The following UBE2E2 variants were observed in gnomAD, a reference collection of about 807,000 sequenced individuals.
UBE2E2 encodes the protein ubiquitin-conjugating enzyme E2 E2.
Under a neutral mutation model 24.7 loss-of-function variants are expected in UBE2E2, and 6 were observed. The observed-to-expected ratio is 0.24, with a 90% CI of 0.13 to 0.48. UBE2E2 has a LOEUF of 0.48. Among genes scored for constraint, UBE2E2 ranks in the 20% least tolerant of loss-of-function variants. The probability of loss-of-function intolerance (pLI) is 0.99; values close to 1 mark genes in which losing one functional copy is unlikely to be tolerated. For synonymous variants in UBE2E2, 104 were observed against 83.6 expected, an observed-to-expected ratio of 1.24 and a Z score of -1.33; for missense variants, 169 against 245.0, an observed-to-expected ratio of 0.69 and a Z score of 2.07.
chr3:23,303,679 C>T (rs942337225), intron 3 of UBE2E2, among the ~76,000 whole-genome samples: 1 of 152,116 alleles, frequency 6.6e-6, no homozygotes, highest in East Asian at 1.9e-4. Flanking sequence ...ACAAGTATAA[C>T]ACTTGAAATC....
At chr3:23,557,794 A>G (rs1211629362) in intron 5 of UBE2E2, among the ~76,000 whole-genome samples, 3 of 152,156 alleles carry the variant, frequency 2.0e-5, no homozygotes, top group Non-Finnish European at 4.4e-5. Context: ...AACTTTTTCC[A>G]AAGGTAACTT....
At chr3:23,236,894 G>A (rs1697128062) in intron 3 of UBE2E2, among the ~76,000 whole-genome samples, 1 of 152,136 alleles carries the variant, frequency 6.6e-6, no homozygotes, top group Non-Finnish European at 1.5e-5. Flanking sequence ...ATGTGCACCA[G>A]CATGGTCCTT....
chr3:23,499,470 G>C, intron 3 of UBE2E2, 138 bp from the exon 4 acceptor site: 1 of 1,053,732 alleles, frequency 9.5e-7, no homozygotes, highest in Non-Finnish European at 1.3e-6. Flanking sequence ...TTGGCAATAT[G>C]AATCTTAACA....
At chr3:23,393,333 A>G (rs569227537) in intron 3 of UBE2E2, among the ~76,000 whole-genome samples, 3 of 152,348 alleles carry the variant, frequency 2.0e-5, no homozygotes, top group South Asian at 2.1e-4. Context: ...AAGTCAGGAA[A>G]GTGAGGGAAT....
chr3:23,210,208 G>T (rs928304464), intron 2 of UBE2E2, among the ~76,000 whole-genome samples: 2 of 152,158 alleles, frequency 1.3e-5, no homozygotes, highest in African/African-American at 4.8e-5. Context: ...GGTACAGATT[G>T]TAGTTCCACG....
intron 5 of UBE2E2, chr3:23,534,289 C>T: frequency 1.0e-6 from 1 of 960,376 alleles, no homozygotes; most frequent in Non-Finnish European, 1.2e-6. Flanking sequence ...CCACCAAAGC[C>T]TTCTCTCAGC....
chr3:23,495,894 A>G (rs1011426561), intron 3 of UBE2E2, among the ~76,000 whole-genome samples: 6 of 151,816 alleles, frequency 4.0e-5, no homozygotes, highest in Non-Finnish European at 5.9e-5. Context: ...AGCTAGGATA[A>G]CTGTGATTTT....
intron 3 of UBE2E2, among the ~76,000 whole-genome samples, chr3:23,369,998 G>T (rs1369377577): frequency 1.3e-5 from 2 of 152,096 alleles, no homozygotes; most frequent in Admixed American, 6.6e-5. Flanking sequence ...CCCCATGTGG[G>T]AAATGGAAAA....
intron 3 of UBE2E2, among the ~76,000 whole-genome samples, chr3:23,320,886 G>A (rs1003579931): frequency 2.0e-5 from 3 of 152,192 alleles, no homozygotes; most frequent in African/African-American, 7.2e-5. Flanking sequence ...TCCTAGGGCT[G>A]CTGTAACAAA....
intron 3 of UBE2E2, among the ~76,000 whole-genome samples, chr3:23,358,367 T>C (rs1247774026): frequency 6.6e-6 from 1 of 152,210 alleles, no homozygotes; most frequent in East Asian, 1.9e-4. Flanking sequence ...GTGGTGATGG[T>C]TCACAATGAT....
chr3:23,375,223 C>T (rs1696491911), intron 3 of UBE2E2, among the ~76,000 whole-genome samples: 1 of 152,130 alleles, frequency 6.6e-6, no homozygotes, highest in South Asian at 2.1e-4. Context: ...ACATTGTGTA[C>T]TCTTGTACTG....
intron 3 of UBE2E2, among the ~76,000 whole-genome samples, chr3:23,328,426 A>C (rs1694966388): frequency 6.6e-6 from 1 of 152,226 alleles, no homozygotes; most frequent in Admixed American, 6.5e-5. Flanking sequence ...TTTATTTAAA[A>C]TAAGCTTTGT....
chr3:23,230,427 G>C (rs1473524424), intron 3 of UBE2E2, among the ~76,000 whole-genome samples: 1 of 152,162 alleles, frequency 6.6e-6, no homozygotes, highest in Non-Finnish European at 1.5e-5. Flanking sequence ...TATAAACTTA[G>C]AGAATTTAGA....
chr3:23,450,021 A>G (rs1310086084), intron 3 of UBE2E2: 20 of 721,568 alleles, frequency 2.8e-5, no homozygotes, highest in Non-Finnish European at 3.4e-5. Flanking sequence ...GGACCTCAGC[A>G]ATTTTTTCAT....
chr3:23,269,634 A>G (rs1336928715), intron 3 of UBE2E2, among the ~76,000 whole-genome samples: 1 of 152,194 alleles, frequency 6.6e-6, no homozygotes. Flanking sequence ...GAGAATCTCA[A>G]CTACTCTGGG....
intron 3 of UBE2E2, among the ~76,000 whole-genome samples, chr3:23,483,019 C>T (rs1699289134): frequency 6.6e-6 from 1 of 152,144 alleles, no homozygotes; most frequent in Admixed American, 6.5e-5. Flanking sequence ...CTAATCTGTA[C>T]TTTTATTGGC....
At chr3:23,268,365 A>G (rs950393035) in intron 3 of UBE2E2, among the ~76,000 whole-genome samples, 2 of 151,860 alleles carry the variant, frequency 1.3e-5, no homozygotes, top group Non-Finnish European at 2.9e-5. Flanking sequence ...AAGTCTCAGG[A>G]TACAAAATCA....
intron 3 of UBE2E2, among the ~76,000 whole-genome samples, chr3:23,249,306 A>G (rs562942060): frequency 6.6e-6 from 1 of 152,134 alleles, no homozygotes; most frequent in African/African-American, 2.4e-5. Flanking sequence ...CTGGAGTAAG[A>G]TATGACTTTA....
At chr3:23,519,118 AC>A (rs1694805807) in intron 4 of UBE2E2, among the ~76,000 whole-genome samples, 1 of 152,124 alleles carries the variant, frequency 6.6e-6, no homozygotes, top group African/African-American at 2.4e-5. Flanking sequence ...TTATTTTCTA[AC>A]CATTTTTAAG....
Sources: gnomAD v4.1 joint callset for allele counts (sites outside exome capture counted in the v4.1 genomes callset) on GRCh38, gnomAD v4.1.1 for gene constraint, MANE v1.5 for transcripts, NCBI Gene and HGNC (gene_info 2026-07-23, HGNC 2026-07-21) for gene names.